The following FAM168B variants were observed in gnomAD, a reference collection of about 807,000 sequenced individuals.
The protein encoded by FAM168B is myelin-associated neurite-outgrowth inhibitor.
Under a neutral mutation model 21.8 loss-of-function variants are expected in FAM168B, and 19 were observed. The observed-to-expected ratio is 0.87, with a 90% confidence interval of 0.61 to 1.28. The LOEUF is 1.28. Among genes scored for constraint, FAM168B ranks in the 50% most tolerant of loss-of-function variants. The probability of loss-of-function intolerance (pLI) is 0.00; values close to 1 mark genes in which losing one functional copy is unlikely to be tolerated. For missense variants in FAM168B, 233 were observed against 263.1 expected, an observed-to-expected ratio of 0.89 and a Z score of 0.79; for synonymous variants, 126 against 104.8, an observed-to-expected ratio of 1.20 and a Z score of -1.24.
intron 2 of FAM168B, among the ~76,000 whole-genome samples, chr2:131,080,507 A>G (rs1440119817): frequency 2.6e-5 from 4 of 151,170 alleles, no homozygotes; most frequent in Non-Finnish European, 5.9e-5. Context: ...AATCCCAGTT[A>G]CTCGGGAGGC....
At chr2:131,069,233 C>T (rs1161828880) in intron 3 of FAM168B, among the ~76,000 whole-genome samples, 5 of 152,196 alleles carry the variant, frequency 3.3e-5, no homozygotes, top group African/African-American at 1.2e-4. Context: ...CTGATTTGTG[C>T]TCCATGAAGA....
At chr2:131,053,800 A>G (rs1691843603) in intron 5 of FAM168B, among the ~76,000 whole-genome samples, 1 of 152,192 alleles carries the variant, frequency 6.6e-6, no homozygotes, top group Non-Finnish European at 1.5e-5. Flanking sequence ...GCTTGAGCCC[A>G]TGAGTTCCAG....
chr2:131,071,803 C>A, intron 3 of FAM168B, 52 bp downstream of exon 3: 1 of 1,512,072 alleles, frequency 6.6e-7, no homozygotes, highest in Non-Finnish European at 9.2e-7. Context: ...TCCACCCCTT[C>A]ACCTTTCTCT....
intron 2 of FAM168B, among the ~76,000 whole-genome samples, chr2:131,075,568 T>C (rs1209189030): frequency 6.6e-6 from 1 of 151,786 alleles, no homozygotes; most frequent in Non-Finnish European, 1.5e-5. Flanking sequence ...GATCTCGGCT[T>C]ACTGCAAGCT....
chr2:131,067,719 ACACT>A (rs1370022840), intron 3 of FAM168B, among the ~76,000 whole-genome samples: 2 of 151,932 alleles, frequency 1.3e-5, no homozygotes, highest in Admixed American at 6.6e-5. Context: ...AGATCCTATC[ACACT>A]CACACACACA....
intron 5 of FAM168B, among the ~76,000 whole-genome samples, chr2:131,054,481 A>T (rs1175324188): frequency 1.3e-5 from 2 of 152,152 alleles, no homozygotes; most frequent in African/African-American, 4.8e-5. Context: ...GGGAAAACCA[A>T]ATCAGAGTCT....
intron 3 of FAM168B, among the ~76,000 whole-genome samples, chr2:131,062,764 C>G (rs113995372): frequency 6.6e-6 from 1 of 152,196 alleles, no homozygotes; most frequent in East Asian, 1.9e-4. Flanking sequence ...AGGTGTCTTA[C>G]AACACCTACT....
At position 131,052,436 on chromosome 2, in the gene FAM168B, C is replaced by T. The variant is rs896099644; in HGVS notation, c.*29G>A. 1 of 994,328 alleles carries T rather than the reference C, an allele frequency of 1.0e-6. No individual in the cohort carries two copies. The highest frequency in any genetic ancestry group is 1.7e-5 in the African/African-American group (1 of 57,298). The allele number at this position is 994,328 out of a possible 1,614,324, so 61.6% of individuals were successfully genotyped here. Reference sequence around the variant, plus strand: ...TGGAATCCCCAATAATGTGACTGCACAGCTCCGTCCTCAAACCTGCAGAAA... The same window carrying T: ...TGGAATCCCCAATAATGTGACTGCATAGCTCCGTCCTCAAACCTGCAGAAA... On this transcript the variant is annotated 3_prime_UTR_variant, in exon 7 of 7. Coordinates refer to ENST00000389915, the MANE Select transcript of FAM168B (RefSeq NM_001009993.4).
chr2:131,078,959 C>T (rs1013662972), intron 2 of FAM168B, among the ~76,000 whole-genome samples: 6 of 150,968 alleles, frequency 4.0e-5, no homozygotes, highest in African/African-American at 1.5e-4. Flanking sequence ...TGCACTGGGG[C>T]CTGAATGACA....
At chr2:131,059,046 A>G (rs1187339813) in intron 3 of FAM168B, among the ~76,000 whole-genome samples, 1 of 152,150 alleles carries the variant, frequency 6.6e-6, no homozygotes, top group Non-Finnish European at 1.5e-5. Flanking sequence ...AGAAATGCAA[A>G]AAGGAAGCAT....
At position 131,049,425 on chromosome 2, in the gene FAM168B, A is replaced by G; in HGVS notation, c.*3040T>C. On this transcript the variant is annotated 3_prime_UTR_variant, in exon 7 of 7. Transcript: ENST00000389915. ...CCACACCAAGAAGAACGTTCTTAAC[A>G]GATGGCTCACGAGAGACATAAAAGG... The G allele has an allele frequency of 1.0e-6, 1 of 985,460 alleles. No homozygotes were observed. The highest frequency in any genetic ancestry group is 1.2e-6 in the Non-Finnish European group (1 of 829,952). 61.0% of individuals were successfully genotyped at this position (985,460 alleles called of 1,614,324 possible). A position where few individuals can be genotyped will look rare whatever the true frequency, so the allele number is the denominator to read the frequency against.
rs571884915 is a variant in FAM168B at position 131,090,221 on chromosome 2, A to C, written c.-12+2993T>G. On this transcript the variant is annotated intron_variant, in intron 1 of 6. Transcript: ENST00000389915. ...CTGTACCCAGCTACTCAGGAGGCTGAGGCTGGAGAATGGCGTGAACCCAGG... is the reference window on the plus strand; with the variant it reads ...CTGTACCCAGCTACTCAGGAGGCTGCGGCTGGAGAATGGCGTGAACCCAGG... Among the ~76,000 whole-genome samples, 148 of 147,248 alleles carry C rather than the reference A, an allele frequency of 1.0e-3. 1 individual carries two copies. The highest frequency in any genetic ancestry group is 6.7e-3 in the South Asian group (30 of 4,496).
chr2:131,081,743 CA>C (rs747882232), intron 2 of FAM168B, among the ~76,000 whole-genome samples: 2 of 152,196 alleles, frequency 1.3e-5, no homozygotes, highest in Non-Finnish European at 2.9e-5. Flanking sequence ...CCACAAATAG[CA>C]CATGTGCCCA....
At position 131,055,454 on chromosome 2, in the gene FAM168B, G is replaced by A. The variant is rs975480717; in HGVS notation, c.298-5C>T. The stretch of plus-strand genomic sequence containing the variant: ...CTGTGTGTAGTACGTGCCTTGCTGT[G>A]GGGAGAAGAGAGACAACTGACACAG... On this transcript the variant is annotated splice_polypyrimidine_tract_variant and splice_region_variant and intron_variant, in intron 4 of 6. Transcript: ENST00000389915. 63 of 1,606,094 alleles carry A rather than the reference G, an allele frequency of 3.9e-5. No individual in the cohort carries two copies. The highest frequency in any genetic ancestry group is 4.8e-5 in the Non-Finnish European group (56 of 1,177,910).
chr2:131,057,219 C>A (rs1004993139), intron 3 of FAM168B, among the ~76,000 whole-genome samples: 1 of 152,118 alleles, frequency 6.6e-6, no homozygotes, highest in South Asian at 2.1e-4. Context: ...CACAGGTCCA[C>A]GAAAGACTTG....
chr2:131,077,925 A>G (rs1693241770), intron 2 of FAM168B, among the ~76,000 whole-genome samples: 1 of 152,192 alleles, frequency 6.6e-6, no homozygotes, highest in Non-Finnish European at 1.5e-5. Context: ...TGTGCAGAGC[A>G]TGTCAGGCTT....
chr2:131,062,765 A>AAC (rs1461535203), intron 3 of FAM168B, among the ~76,000 whole-genome samples: 1 of 152,210 alleles, frequency 6.6e-6, no homozygotes, highest in East Asian at 1.9e-4. Context: ...GGTGTCTTAC[A>AAC]ACACCTACTT....
Position 131,052,993 on chromosome 2 carries a change from G to A in FAM168B, c.498C>T (p.Ser166=). The A allele has an allele frequency of 1.9e-6, 3 of 1,554,194 alleles. No individual in the cohort carries two copies. Among genetic ancestry groups the A allele is most frequent in the Non-Finnish European group, 2.6e-6 (3 of 1,148,586 alleles). ...CCGGGTGGGGGGCGACAGGAGTTGG[G>A]GAGTGAGCAGTCAGCAGGGTACCTG... ...MSAGTLLTAH[S]PTPVAPHPVT... is the part of the protein sequence containing the mutation. The change falls in exon 6 of 7, where the codon TCC becomes TCT. Residue 166 remains serine, a synonymous_variant. Coordinates refer to ENST00000389915, the MANE Select transcript of FAM168B (RefSeq NM_001009993.4).
intron 3 of FAM168B, among the ~76,000 whole-genome samples, chr2:131,071,010 C>T (rs1692844835): frequency 6.6e-6 from 1 of 152,100 alleles, no homozygotes; most frequent in African/African-American, 2.4e-5. Context: ...AGGGTGTGAA[C>T]TACGGTCTGA....
Sources: gnomAD v4.1 joint callset for allele counts (sites outside exome capture counted in the v4.1 genomes callset) on GRCh38, gnomAD v4.1.1 for gene constraint, MANE v1.5 for transcripts, NCBI Gene and HGNC (gene_info 2026-07-23, HGNC 2026-07-21) for gene names.